The following ARHGAP19 variants were observed in gnomAD, a reference collection of about 807,000 sequenced individuals.
ARHGAP19 encodes the protein rho GTPase-activating protein 19.
ARHGAP19 carries 48 observed loss-of-function variants against 60.9 expected under a neutral mutation model. The ratio of observed to expected loss-of-function variants is 0.79; its 90% CI spans 0.62 to 1.00. The LOEUF (loss-of-function observed/expected upper bound fraction) is 1.00. Among genes scored for constraint, ARHGAP19 ranks in the 50% least tolerant of loss-of-function variants. ARHGAP19 has a pLI of 0.00. For synonymous variants in ARHGAP19, 209 were observed against 215.5 expected, an observed-to-expected ratio of 0.97 and a Z score of 0.27; for missense variants, 562 against 597.2, an observed-to-expected ratio of 0.94 and a Z score of 0.61.
Position 97,292,536 on chromosome 10 carries a change from C to G in ARHGAP19, c.56+36G>C, listed in dbSNP as rs573794273. 39 of 1,613,818 alleles carry G rather than the reference C, an allele frequency of 2.4e-5. No individual in the cohort carries two copies. In the Admixed American group the frequency reaches 6.5e-4, roughly 27 times the overall value. On this transcript the variant is annotated intron_variant, in intron 1 of 11. Coordinates refer to ENST00000358531, the MANE Select transcript of ARHGAP19 (RefSeq NM_032900.6). ...GGCGGCAGGACTACCAGCCCAAGGC[C>G]GCGTTTCCCAGGAAACTGGACCAAA...
intron 8 of ARHGAP19, among the ~76,000 whole-genome samples, chr10:97,242,060 A>G (rs1842493040): frequency 6.7e-6 from 1 of 149,404 alleles, no homozygotes; most frequent in Non-Finnish European, 1.5e-5. Flanking sequence ...AATAAAAAAT[A>G]AAATGTATGG....
At chr10:97,286,109 G>A (rs1260218093) in intron 1 of ARHGAP19, among the ~76,000 whole-genome samples, 1 of 152,144 alleles carries the variant, frequency 6.6e-6, no homozygotes, top group Non-Finnish European at 1.5e-5. Flanking sequence ...ATCCCCTGAA[G>A]AAATCTACTC....
chr10:97,265,082 T>A (rs1334392692), intron 2 of ARHGAP19, among the ~76,000 whole-genome samples, 176 bp from the exon 3 acceptor site: 1 of 152,108 alleles, frequency 6.6e-6, no homozygotes, highest in Non-Finnish European at 1.5e-5. Flanking sequence ...CAACTCTCAA[T>A]CAGCTCTCTC....
intron 6 of ARHGAP19, among the ~76,000 whole-genome samples, chr10:97,251,458 G>T: frequency 2.2e-5 from 2 of 92,444 alleles, no homozygotes; most frequent in Non-Finnish European, 4.3e-5. Flanking sequence ...GGAAGGGGAA[G>T]GGAAAAGGAA....
rs1007789323 is a variant in ARHGAP19, at chr10:97,235,179, A to G, written c.1284+38T>C. 5 of 1,533,004 alleles carry G rather than the reference A, an allele frequency of 3.3e-6. No homozygotes were observed. The African/African-American group carries it at 6.9e-5, about 21-fold the overall frequency. The allele number at this position is 1,533,004 out of a possible 1,614,324, so 95.0% of individuals were successfully genotyped here. ...GAAAAATCACATTGTTACATTTCCT[A>G]AAAATCAATGCTGAAAACGACAGCC... On this transcript the variant is annotated intron_variant, in intron 9 of 11. Transcript: ENST00000358531.
rs1851110488 is a variant in ARHGAP19, at chr10:97,235,321, A to C, written c.1186-6T>G. 1.9e-6 allele frequency: 3 copies of C among 1,592,244 alleles called. No individual in the cohort carries two copies. Among genetic ancestry groups the C allele is most frequent in the Non-Finnish European group, 2.6e-6 (3 of 1,160,794 alleles). ...GTCAATGATTGCTTATTAAACTAAA[A>C]GAAAACATGGAGAACATTTTATAAA... is the stretch of plus-strand genomic sequence containing the variant. On this transcript the variant is annotated splice_region_variant and splice_polypyrimidine_tract_variant and intron_variant, in intron 8 of 11. Transcript: ENST00000358531.
chr10:97,273,959 A>G (rs1244471594), intron 1 of ARHGAP19, among the ~76,000 whole-genome samples: 2 of 143,980 alleles, frequency 1.4e-5, no homozygotes, highest in Non-Finnish European at 1.6e-5. Flanking sequence ...AAGAAGCCAC[A>G]CATACACACA....
At chr10:97,227,642 C>T (rs570788355) in intron 11 of ARHGAP19, among the ~76,000 whole-genome samples, 1 of 152,138 alleles carries the variant, frequency 6.6e-6, no homozygotes, top group Non-Finnish European at 1.5e-5. Flanking sequence ...AATGCCATTG[C>T]CTGATCCAAT....
At chr10:97,236,803 G>GAAAAAAAAAAAAAAAAAAAAAAAAAAA (rs71007323) in intron 8 of ARHGAP19, among the ~76,000 whole-genome samples, 1 of 80,032 alleles carries the variant, frequency 1.2e-5, no homozygotes, top group Non-Finnish European at 2.3e-5. Context: ...AACAGACTCA[G>GAAAAAAAAAAAAAAAAAAAAAAAAAAA]AAAAAAAAAA....
intron 9 of ARHGAP19, 123 bp downstream of exon 9, chr10:97,235,094 C>T: frequency 1.2e-6 from 1 of 838,410 alleles, no homozygotes; most frequent in Non-Finnish European, 1.9e-6. Context: ...GTCTTTACCC[C>T]CTTATAAACT....
rs778848553 is a variant in ARHGAP19 at position 97,246,246 on chromosome 10, G to A, written c.993+26C>T. ...CAAATCTTAATGCTCTCCTTGTTTG[G>A]GTTAAGAGCAGATTCCTATTCTTAC... On this transcript the variant is annotated intron_variant, in intron 7 of 11. Coordinates refer to ENST00000358531, the MANE Select transcript of ARHGAP19 (RefSeq NM_032900.6). 4.4e-6 allele frequency: 7 copies of A among 1,586,402 alleles called. No homozygotes were observed. In the African/African-American group the frequency reaches 6.7e-5, roughly 15 times the overall value.
intron 8 of ARHGAP19, 49 bp downstream of exon 8, chr10:97,243,919 C>A (rs1842525091): frequency 2.0e-6 from 3 of 1,474,930 alleles, no homozygotes; most frequent in Non-Finnish European, 2.7e-6. Context: ...ATTCTACAAC[C>A]ACGATTACAC....
At position 97,265,879 on chromosome 10, in the gene ARHGAP19, G is replaced by C; in HGVS notation, c.303C>G (p.Leu101=). Residue 101 remains leucine, a synonymous_variant, in exon 2 of 12, where the codon CTC becomes CTG. Coordinates refer to ENST00000358531, the MANE Select transcript of ARHGAP19 (RefSeq NM_032900.6). The part of the protein sequence containing the change: ...AGPASGFFRS[L]MSLKRKEKGV... Reference sequence around the variant, plus strand: ...TCCTACCCTTTCGCTTGAGAGACATGAGAGACCGGAAGAATCCTGATGCTG... The same window carrying C: ...TCCTACCCTTTCGCTTGAGAGACATCAGAGACCGGAAGAATCCTGATGCTG... 6.2e-7 allele frequency: 1 copy of C among 1,614,092 alleles called. No individual in the cohort carries two copies. The highest frequency in any genetic ancestry group is 8.5e-7 in the Non-Finnish European group (1 of 1,179,998).
intron 1 of ARHGAP19, among the ~76,000 whole-genome samples, chr10:97,288,908 G>A (rs1427096605): frequency 1.6e-4 from 22 of 138,690 alleles, no homozygotes; most frequent in South Asian, 1.2e-3. Flanking sequence ...TCTGCCTCCC[G>A]GATTCAAGCG....
At chr10:97,238,579 T>C (rs1842419615) in intron 8 of ARHGAP19, among the ~76,000 whole-genome samples, 1 of 152,110 alleles carries the variant, frequency 6.6e-6, no homozygotes. Context: ...GTTTTTAAAA[T>C]AGAAAAAAGC....
At position 97,266,033 on chromosome 10, in the gene ARHGAP19, C is replaced by T. The variant is rs1463552103; in HGVS notation, c.149G>A (p.Arg50Gln). 7.4e-6 allele frequency: 12 copies of T among 1,614,006 alleles called. No individual in the cohort carries two copies. The highest frequency in any genetic ancestry group is 1.7e-5 in the Admixed American group (1 of 59,988). ...AGTGAAAATCTCAGGTTTCTCATGT[C>T]GGAGTTTCTCCACAAAAAAGTCAGG... ...FNPDFFVEKL[R>Q]HEKPEIFTEL... The change falls in exon 2 of 12, where the codon CGA becomes CAA. Residue 50 changes from arginine to glutamine, a missense_variant. Physicochemically the swap from Arg to Gln is conservative, Grantham distance 43. Transcript: ENST00000358531.
intron 1 of ARHGAP19, among the ~76,000 whole-genome samples, chr10:97,289,257 G>C (rs1332151843): frequency 1.3e-5 from 2 of 151,908 alleles, no homozygotes; most frequent in Non-Finnish European, 1.5e-5. Flanking sequence ...TGGGATTACA[G>C]GCACACGCCA....
chr10:97,270,497 A>C, intron 1 of ARHGAP19: 1 of 755,080 alleles, frequency 1.3e-6, no homozygotes, highest in Non-Finnish European at 2.1e-6. Context: ...AGAAATGTAT[A>C]GGACTAAAGA....
Position 97,259,084 on chromosome 10 carries a change from A to G in ARHGAP19, c.840+318T>C, listed in dbSNP as rs183301835. On this transcript the variant is annotated intron_variant, in intron 5 of 11. Coordinates refer to ENST00000358531, the MANE Select transcript of ARHGAP19 (RefSeq NM_032900.6). The stretch of plus-strand genomic sequence containing the variant: ...CAGAAACTAATTTGATTTCCCAAGA[A>G]GCCTTTCCTGTTAAGGATTCCACAA... Among the ~76,000 whole-genome samples the G allele has an allele frequency of 3.4e-3, 518 of 152,370 alleles. 4 individuals carry two copies. The highest frequency in any genetic ancestry group is 9.5e-3 in the South Asian group (46 of 4,828).
Sources: allele counts gnomAD v4.1 joint callset (sites outside exome capture counted in the v4.1 genomes callset), GRCh38; gene constraint gnomAD v4.1.1; transcripts MANE v1.5; gene names NCBI Gene and HGNC (gene_info 2026-07-23, HGNC 2026-07-21).